The following CCDC13 variants were observed in gnomAD, a reference collection of about 807,000 sequenced individuals.
The protein encoded by CCDC13 is coiled-coil domain containing 13, also known as coiled-coil domain-containing protein 13.
A neutral mutation model predicts 87.3 loss-of-function variants in CCDC13; 70 were observed. The observed-to-expected ratio is 0.80, with a 90% CI of 0.66 to 0.98. The LOEUF is 0.98. Among genes scored for constraint, CCDC13 ranks in the 50% least tolerant of loss-of-function variants. The pLI is 0.00. For missense variants in CCDC13, 842 were observed against 892.0 expected, an observed-to-expected ratio of 0.94 and a Z score of 0.71; for synonymous variants, 317 against 360.3, an observed-to-expected ratio of 0.88 and a Z score of 1.36.
intron 5 of CCDC13, chr3:42,749,786 C>T: frequency 4.5e-6 from 2 of 447,006 alleles, no homozygotes; most frequent in Admixed American, 4.8e-5. Context: ...AAGCGCAGTA[C>T]ATGGGGAGCA....
At chr3:42,744,753 C>A (rs181624922) in intron 7 of CCDC13, among the ~76,000 whole-genome samples, 1 of 139,586 alleles carries the variant, frequency 7.2e-6, no homozygotes, top group Non-Finnish European at 1.5e-5. Context: ...TGCAGTGAGC[C>A]GAGATCGCAC....
At chr3:42,744,299 C>A (rs1699325946) in intron 7 of CCDC13, among the ~76,000 whole-genome samples, 1 of 152,114 alleles carries the variant, frequency 6.6e-6, no homozygotes, top group African/African-American at 2.4e-5. Flanking sequence ...TAGAAGCAGA[C>A]AACTCCTAGG....
At chr3:42,713,063 A>G (rs1415944555) in intron 14 of CCDC13, 99 bp downstream of exon 14, 3 of 1,366,190 alleles carry the variant, frequency 2.2e-6, no homozygotes, top group East Asian at 2.4e-5. Context: ...TGCTTCCCAC[A>G]TGCTCACTGA....
intron 3 of CCDC13, among the ~76,000 whole-genome samples, chr3:42,755,150 C>T (rs553100390): frequency 6.6e-6 from 1 of 152,090 alleles, no homozygotes; most frequent in East Asian, 1.9e-4. Flanking sequence ...ATTAGTTCTA[C>T]GTAGACTATG....
At chr3:42,763,688 T>C (rs991857114) in intron 1 of CCDC13, among the ~76,000 whole-genome samples, 3 of 152,052 alleles carry the variant, frequency 2.0e-5, no homozygotes, top group African/African-American at 7.2e-5. Context: ...TATGTTTTTG[T>C]AGAGACATGG....
chr3:42,756,998 C>T (rs937279710), intron 3 of CCDC13, 68 bp downstream of exon 3: 41 of 1,481,680 alleles, frequency 2.8e-5, no homozygotes, highest in Middle Eastern at 1.8e-4. Flanking sequence ...TCTCTGGAAC[C>T]TGCTGTCTGC....
intron 13 of CCDC13, among the ~76,000 whole-genome samples, chr3:42,728,495 T>C (rs150319264): frequency 8.1e-4 from 123 of 152,274 alleles, no homozygotes; most frequent in Middle Eastern, 6.8e-3. Context: ...TTGGGATAGT[T>C]AAAACATTAG....
At chr3:42,741,466 A>AT (rs1699214172) in intron 8 of CCDC13, among the ~76,000 whole-genome samples, 1 of 152,152 alleles carries the variant, frequency 6.6e-6, no homozygotes, top group Non-Finnish European at 1.5e-5. Context: ...GGCTCGGCGA[A>AT]TGGCTCACAC....
Position 42,744,785 on chromosome 3 carries a change from ATAGAGCGAGACTCC to A in CCDC13, c.825+1124_825+1137del. 2.9e-5 allele frequency among the ~76,000 whole-genome samples: 4 copies of A among 136,318 alleles called. 1 individual carries two copies. Among genetic ancestry groups the A allele is most frequent in the Middle Eastern group, 4.0e-3 (1 of 252 alleles). 89.4% of individuals were successfully genotyped at this position (136,318 alleles called of 152,430 possible). On this transcript the variant is annotated intron_variant, in intron 7 of 15. Transcript: ENST00000310232. ...GCACCACTGCACTCCAGCCTGGGTG[ATAGAGCGAGACTCC>A]GTCTCAAAAAAAAAAAAAAAAAAAA...
chr3:42,743,593 A>G (rs1474915383), intron 7 of CCDC13, among the ~76,000 whole-genome samples: 1 of 130,800 alleles, frequency 7.6e-6, no homozygotes, highest in Non-Finnish European at 1.7e-5. Flanking sequence ...AATTTTATAT[A>G]TATATATACA....
chr3:42,714,108 A>G (rs1698376671), intron 13 of CCDC13: 1 of 152,226 alleles, frequency 6.6e-6, no homozygotes, highest in Non-Finnish European at 1.5e-5. Flanking sequence ...AGATACCCTT[A>G]ACACACTTTG....
In CCDC13 at chr3:42,741,418, G is replaced by A. The variant is rs571338720; in HGVS notation, c.987+1478C>T. 9.9e-5 allele frequency among the ~76,000 whole-genome samples: 15 copies of A among 152,128 alleles called. No individual in the cohort carries two copies. In the South Asian group the frequency reaches 3.1e-3, roughly 32 times the overall value. ...CCATGTGACCTTTCCAAAATGCACA[G>A]CTGACCACCTCCCTCCACAAATTAA... is the stretch of plus-strand genomic sequence containing the variant. On this transcript the variant is annotated intron_variant, in intron 8 of 15. Transcript: ENST00000310232.
At chr3:42,742,758 G>A (rs1356250908) in intron 8 of CCDC13, 138 bp downstream of exon 8, 15 of 1,038,200 alleles carry the variant, frequency 1.4e-5, no homozygotes, top group Non-Finnish European at 2.1e-5. Context: ...ACATGCAGAG[G>A]TGACCCAGGT....
chr3:42,715,071 C>A (rs1698396993), intron 13 of CCDC13, among the ~76,000 whole-genome samples: 1 of 151,380 alleles, frequency 6.6e-6, no homozygotes, highest in Non-Finnish European at 1.5e-5. Flanking sequence ...GTGGGTGGAT[C>A]ACCTGAGGTC....
chr3:42,765,395 G>A (rs1295215616), intron 1 of CCDC13, among the ~76,000 whole-genome samples: 2 of 152,078 alleles, frequency 1.3e-5, no homozygotes, highest in African/African-American at 4.8e-5. Context: ...GCTGTGGCCA[G>A]GGTGTCTATT....
At position 42,711,703 on chromosome 3, in the gene CCDC13, G is replaced by T. The variant is rs571530357; in HGVS notation, c.1873+1459C>A. Among the ~76,000 whole-genome samples the T allele has an allele frequency of 2.0e-5, 3 of 152,346 alleles. No individual in the cohort carries two copies. The South Asian group carries it at 6.2e-4, about 32-fold the overall frequency. The stretch of plus-strand genomic sequence containing the variant: ...CCTACTGGAGTGAGACTGCCATGGG[G>T]GACTGAATTATAAATCTAGCCTCCT... On this transcript the variant is annotated intron_variant, in intron 14 of 15. Coordinates refer to ENST00000310232, the MANE Select transcript of CCDC13 (RefSeq NM_144719.4).
At position 42,708,089 on chromosome 3, in the gene CCDC13, C is replaced by T. The variant is rs186694711; in HGVS notation, c.*891G>A. Among the ~76,000 whole-genome samples, 21 of 152,270 alleles carry T rather than the reference C, an allele frequency of 1.4e-4. No individual in the cohort carries two copies. The East Asian group carries it at 3.1e-3, about 22-fold the overall frequency. On this transcript the variant is annotated 3_prime_UTR_variant, in exon 16 of 16. Transcript: ENST00000310232. The stretch of plus-strand genomic sequence containing the variant: ...CTGAAGCTCCAGCTGAGCCCCACCT[C>T]GGCCCTCTGCCACCAGCATCCATCA...
At chr3:42,741,826 G>C (rs1699229869) in intron 8 of CCDC13, among the ~76,000 whole-genome samples, 1 of 152,224 alleles carries the variant, frequency 6.6e-6, no homozygotes, top group East Asian at 1.9e-4. Context: ...AGCAGGCCCT[G>C]TCCACTTCTG....
intron 1 of CCDC13, among the ~76,000 whole-genome samples, chr3:42,766,608 G>GAAA (rs34691284): frequency 7.1e-4 from 98 of 137,820 alleles, no homozygotes; most frequent in Admixed American, 1.5e-3. Context: ...CTGTCTCAAA[G>GAAA]AAAAAAAAAA....
Sources: gnomAD v4.1 joint callset for allele counts (sites outside exome capture counted in the v4.1 genomes callset) on GRCh38, gnomAD v4.1.1 for gene constraint, MANE v1.5 for transcripts, NCBI Gene and HGNC (gene_info 2026-07-23, HGNC 2026-07-21) for gene names.